The following BSN variants were observed in gnomAD, a reference collection of about 807,000 sequenced individuals.
BSN encodes the protein bassoon presynaptic cytomatrix protein, also known as protein bassoon.
In BSN, 57 loss-of-function variants were observed where a neutral mutation model predicts 264.8. That is an observed-to-expected ratio of 0.22 (90% confidence interval 0.17 to 0.27). The LOEUF (loss-of-function observed/expected upper bound fraction) is 0.27. BSN is among the 10% of genes least tolerant of loss of function. BSN has a pLI of 1.00. For missense variants in BSN, 4,615 were observed against 5,232.5 expected, an observed-to-expected ratio of 0.88 and a Z score of 3.64; for synonymous variants, 2,059 against 2,137.3, an observed-to-expected ratio of 0.96 and a Z score of 1.01.
At chr3:49,593,153 G>C (rs2051993669) in intron 1 of BSN, among the ~76,000 whole-genome samples, 1 of 152,196 alleles carries the variant, frequency 6.6e-6, no homozygotes, top group Non-Finnish European at 1.5e-5. Context: ...ATAATACAAT[G>C]TGTAACCTTT....
intron 1 of BSN, among the ~76,000 whole-genome samples, chr3:49,573,454 T>C (rs1178362426): frequency 6.6e-6 from 1 of 152,164 alleles, no homozygotes; most frequent in Non-Finnish European, 1.5e-5. Flanking sequence ...CTGCTATGAT[T>C]GCTGGGACTG....
Position 49,661,930 on chromosome 3 carries a change from A to G in BSN, c.10085A>G (p.Lys3362Arg), listed in dbSNP as rs1226281302. 2.5e-6 allele frequency: 4 copies of G among 1,613,834 alleles called. No homozygotes were observed. Among genetic ancestry groups the G allele is most frequent in the Non-Finnish European group, 3.4e-6 (4 of 1,180,042 alleles). ...AISSKRSKHR[K>R]QGMEQKISKF... ...TCCTCAAAGCGCAGCAAGCACCGGA[A>G]GCAGGGCATGGAGCAAAAGATATCC... Residue 3362 changes from lysine to arginine, a missense_variant, in exon 6 of 12, where the codon AAG becomes AGG. By Grantham distance (26) the Lys-to-Arg change is conservative (BLOSUM62 2). Around this residue, in one of 3 missense-constraint regions of BSN, gnomAD observed 3,415 missense variants for 3,866.4 expected, o/e 0.88. Coordinates refer to ENST00000296452, the MANE Select transcript of BSN (RefSeq NM_003458.4).
At chr3:49,617,315 A>G (rs2052268386) in intron 1 of BSN, among the ~76,000 whole-genome samples, 1 of 115,722 alleles carries the variant, frequency 8.6e-6, no homozygotes, top group Non-Finnish European at 1.8e-5. Context: ...ATATATATAT[A>G]TATAATTTTA....
intron 3 of BSN, 22 bp from the exon 4 acceptor site, chr3:49,650,590 C>A: frequency 1.9e-6 from 3 of 1,568,496 alleles, no homozygotes; most frequent in Non-Finnish European, 2.6e-6. Context: ...TTTCATCAAC[C>A]CCCTCTCCCA....
chr3:49,656,961 C>G lies in BSN; in HGVS notation c.7405C>G (p.Gln2469Glu), dbSNP rs751549048. Residue 2469 changes from glutamine (Q) to glutamate (E), a missense_variant, in exon 5 of 12, where the codon CAG (glutamine) becomes GAG (glutamate). This residue lies in a region of BSN where 3,415 missense variants were observed against 3,866.4 expected (regional missense o/e 0.88). Coordinates refer to ENST00000296452, the MANE Select transcript of BSN (RefSeq NM_003458.4). ...GCAGCTGCAGCAGCAGCTAGAGGAG[C>G]AGAAGCAGCGGCAGAAGGCTCCCTT... Reference protein sequence around the residue: ...QQQLQQQLEEQKQRQKAPFPA... With the variant: ...QQQLQQQLEEEKQRQKAPFPA... 8.7e-6 allele frequency: 14 copies of G among 1,606,380 alleles called. No individual in the cohort carries two copies. The East Asian group carries it at 2.5e-4, about 28-fold the overall frequency.
At chr3:49,605,320 T>C (rs1239879469) in intron 1 of BSN, among the ~76,000 whole-genome samples, 3 of 96,146 alleles carry the variant, frequency 3.1e-5, no homozygotes, top group African/African-American at 1.2e-4. Flanking sequence ...ATATTATATA[T>C]ATATATTTAT....
chr3:49,628,160 T>C (rs1224471985), intron 2 of BSN, among the ~76,000 whole-genome samples: 7 of 152,228 alleles, frequency 4.6e-5, no homozygotes, highest in Non-Finnish European at 1.0e-4. Flanking sequence ...AACTTTGAAA[T>C]GTGACCGCAG....
intron 1 of BSN, among the ~76,000 whole-genome samples, chr3:49,617,282 A>ATTATATATATATATATATATAT (rs1407111799): frequency 2.9e-3 from 96 of 33,360 alleles, no homozygotes; most frequent in Admixed American, 2.9e-3. Context: ...AATAAAATAC[A>ATTATATATATATATATATATAT]TTATATATAT....
At chr3:49,591,558 C>T (rs776516361) in intron 1 of BSN, among the ~76,000 whole-genome samples, 2 of 151,838 alleles carry the variant, frequency 1.3e-5, no homozygotes, top group Non-Finnish European at 2.9e-5. Flanking sequence ...TTTATTTTGC[C>T]TTTATTTAAA....
At chr3:49,634,200 C>G (rs2052404405) in intron 2 of BSN, among the ~76,000 whole-genome samples, 1 of 147,094 alleles carries the variant, frequency 6.8e-6, no homozygotes, top group South Asian at 2.1e-4. Context: ...GAGCAAGACT[C>G]TGCCTTTAAA....
rs1180537167 is a variant in BSN, at chr3:49,668,804, C to T, written c.*1319C>T. 1 of 152,672 alleles carries T rather than the reference C, an allele frequency of 6.5e-6. No homozygotes were observed. The highest frequency in any genetic ancestry group is 2.4e-5 in the African/African-American group (1 of 41,458). 9.5% of individuals were successfully genotyped at this position (152,672 alleles called of 1,614,324 possible). Reference sequence around the variant, plus strand: ...GGCTCTTCCCTTGGGGGCCTCCTTTCATCTGGGGCACAGCCACAAGTCTCA... The same window carrying T: ...GGCTCTTCCCTTGGGGGCCTCCTTTTATCTGGGGCACAGCCACAAGTCTCA... On this transcript the variant is annotated 3_prime_UTR_variant, in exon 12 of 12. Transcript: ENST00000296452.
In BSN at chr3:49,669,651, T is replaced by A. The variant is rs2052741414; in HGVS notation, c.*2166T>A. On this transcript the variant is annotated 3_prime_UTR_variant, in exon 12 of 12. Coordinates refer to ENST00000296452, the MANE Select transcript of BSN (RefSeq NM_003458.4). The stretch of plus-strand genomic sequence containing the variant: ...ATCTGGGCTGGAGCTAGGGGGTCAA[T>A]GGATGCTCAGGAAGAGCTGGGCCTT... 2 of 152,298 alleles carry A rather than the reference T, an allele frequency of 1.3e-5. No individual in the cohort carries two copies. Among genetic ancestry groups the A allele is most frequent in the African/African-American group, 4.8e-5 (2 of 41,452 alleles). 9.4% of individuals were successfully genotyped at this position (152,298 alleles called of 1,614,324 possible). A position where few individuals can be genotyped will look rare whatever the true frequency, so the allele number is the denominator to read the frequency against.
At chr3:49,648,679 C>T (rs2052517648) in intron 3 of BSN, among the ~76,000 whole-genome samples, 1 of 152,186 alleles carries the variant, frequency 6.6e-6, no homozygotes, top group Admixed American at 6.5e-5. Flanking sequence ...GGGGTGCACC[C>T]TGCCAGGCCA....
rs781610554 is a variant in BSN, at chr3:49,655,591, C to T, written c.6035C>T (p.Ser2012Leu). 2.3e-5 allele frequency: 37 copies of T among 1,613,542 alleles called. No homozygotes were observed. The highest frequency in any genetic ancestry group is 3.0e-5 in the Non-Finnish European group (35 of 1,180,016). ...GQLFQGPGRD[S>L]AMDLSSLKHS... ...CTCTTCCAGGGTCCTGGACGAGACT[C>T]GGCTATGGACCTCAGCTCACTGAAG... The change falls in exon 5 of 12, where the codon TCG (serine) becomes TTG (leucine). Residue 2012 changes from serine (S) to leucine (L), a missense_variant. Around this residue, in one of 3 missense-constraint regions of BSN, gnomAD observed 3,415 missense variants for 3,866.4 expected, o/e 0.88. Transcript: ENST00000296452.
At chr3:49,572,917 C>T (rs1213493441) in intron 1 of BSN, among the ~76,000 whole-genome samples, 9 of 152,164 alleles carry the variant, frequency 5.9e-5, no homozygotes, top group African/African-American at 2.2e-4. Flanking sequence ...CAGCCTCTGC[C>T]AAGTACCTCT....
rs368546308 is a variant in BSN, at chr3:49,670,058, A to G, written c.*2573A>G. 1 of 152,670 alleles carries G rather than the reference A, an allele frequency of 6.6e-6. No homozygotes were observed. The highest frequency in any genetic ancestry group is 2.1e-4 in the South Asian group (1 of 4,836). 9.5% of individuals were successfully genotyped at this position (152,670 alleles called of 1,614,324 possible). On this transcript the variant is annotated 3_prime_UTR_variant, in exon 12 of 12. Transcript: ENST00000296452. ...GGCTCCTCGCTCACCTCTGGTAGCTATGGATGGGACAGGAAGCTGCCAACC... is the reference window on the plus strand; with the variant it reads ...GGCTCCTCGCTCACCTCTGGTAGCTGTGGATGGGACAGGAAGCTGCCAACC...
At chr3:49,561,570 C>G (rs1243949267) in intron 1 of BSN, among the ~76,000 whole-genome samples, 1 of 152,040 alleles carries the variant, frequency 6.6e-6, no homozygotes, top group Non-Finnish European at 1.5e-5. Flanking sequence ...TTTAAATTGA[C>G]AAAAATTATG....
rs1409220987 is a variant in BSN at position 49,669,066 on chromosome 3, G to A, written c.*1581G>A. The A allele has an allele frequency of 1.4e-5, 2 of 139,310 alleles. No individual in the cohort carries two copies. Among genetic ancestry groups the A allele is most frequent in the East Asian group, 2.4e-4 (1 of 4,098 alleles). 8.6% of individuals were successfully genotyped at this position (139,310 alleles called of 1,614,324 possible). A position where few individuals can be genotyped will look rare whatever the true frequency, so the allele number is the denominator to read the frequency against. The stretch of plus-strand genomic sequence containing the variant: ...ACTCGCTGCTGCCAGGTGAGTCACC[G>A]CCTGTCCTGCAGTGGAGCATGCACA... On this transcript the variant is annotated 3_prime_UTR_variant, in exon 12 of 12. Coordinates refer to ENST00000296452, the MANE Select transcript of BSN (RefSeq NM_003458.4).
At chr3:49,610,584 CAAAAAA>C (rs60726552) in intron 1 of BSN, among the ~76,000 whole-genome samples, 2 of 71,206 alleles carry the variant, frequency 2.8e-5, no homozygotes, top group Non-Finnish European at 4.8e-5. Context: ...AATTTCATCT[CAAAAAA>C]AAAAAAAAAA....
Sources: gnomAD v4.1 joint callset for allele counts (sites outside exome capture counted in the v4.1 genomes callset) on GRCh38, gnomAD v4.1.1 for gene constraint, gnomAD v4.1.1 regional missense constraint, MANE v1.5 for transcripts, NCBI Gene and HGNC (gene_info 2026-07-23, HGNC 2026-07-21) for gene names.